IL1RAPL1: variants seen among roughly 807,000 people sequenced by gnomAD.
IL1RAPL1 encodes the protein interleukin 1 receptor accessory protein like 1.
IL1RAPL1 carries 3 observed loss-of-function variants against 48.4 expected under a neutral mutation model. The observed-to-expected ratio is 0.06, with a 90% CI of 0.03 to 0.16. The LOEUF (loss-of-function observed/expected upper bound fraction) is 0.16. Among genes scored for constraint, IL1RAPL1 ranks in the 10% least tolerant of loss-of-function variants. The pLI is 1.00. For missense variants in IL1RAPL1, 349 were observed against 530.6 expected (o/e 0.66, Z 3.36); for synonymous variants, 185 against 187.7 (o/e 0.99, Z 0.12).
intron 6 of IL1RAPL1, among the ~76,000 whole-genome samples, chrX:29,768,019 A>G (rs1362613437): frequency 8.9e-6 from 1 of 111,763 alleles, no homozygotes; most frequent in African/African-American, 3.2e-5. Context: ...TTTTTAAATT[A>G]TGTATTTATT....
At chrX:29,150,321 C>A (rs1929436961) in intron 2 of IL1RAPL1, among the ~76,000 whole-genome samples, 1 of 111,776 alleles carries the variant, frequency 8.9e-6, no homozygotes, top group Admixed American at 9.6e-5. Context: ...TCCTCTTGAG[C>A]TTTGCAACAG....
In IL1RAPL1 at chrX:29,627,699, G is replaced by A. The variant is rs749179591; in HGVS notation, c.704-40731G>A. ...GCCATTCTCAGCCCCATCTAACCCC[G>A]GTGGTATTCAGCAAAGGCATACAAG... On this transcript the variant is annotated intron_variant, in intron 5 of 10. Transcript: ENST00000378993. 1.2e-4 allele frequency among the ~76,000 whole-genome samples: 13 copies of A among 111,278 alleles called. No homozygotes were observed. In the South Asian group the frequency reaches 4.9e-3, roughly 42 times the overall value.
intron 1 of IL1RAPL1, among the ~76,000 whole-genome samples, chrX:28,597,474 G>A (rs889952652): frequency 9.0e-6 from 1 of 111,728 alleles, no homozygotes; most frequent in African/African-American, 3.3e-5. Flanking sequence ...CTTCACGCCT[G>A]TAATCCCAGC....
intron 6 of IL1RAPL1, among the ~76,000 whole-genome samples, chrX:29,895,546 C>T (rs975949865): frequency 1.8e-5 from 2 of 112,219 alleles, no homozygotes; most frequent in African/African-American, 3.2e-5. Flanking sequence ...AGCGAGACTC[C>T]GTCTCAAAGA....
At chrX:29,222,978 G>A (rs189152032) in intron 2 of IL1RAPL1, among the ~76,000 whole-genome samples, 2 of 111,007 alleles carry the variant, frequency 1.8e-5, no homozygotes, top group Admixed American at 9.7e-5. Flanking sequence ...AACTCTGATA[G>A]CATTCTTCAT....
At chrX:29,746,911 A>C (rs1344892012) in intron 6 of IL1RAPL1, among the ~76,000 whole-genome samples, 1 of 112,634 alleles carries the variant, frequency 8.9e-6, no homozygotes, top group African/African-American at 3.2e-5. Context: ...CCCAGCTGAA[A>C]GCTCATTCTT....
At chrX:29,319,621 G>GTCTC (rs201555831) in intron 3 of IL1RAPL1, among the ~76,000 whole-genome samples, 4 of 106,795 alleles carry the variant, frequency 3.7e-5, no homozygotes, top group Non-Finnish European at 7.7e-5. Context: ...TCGAAATGTT[G>GTCTC]TCTCTCATTT....
chrX:29,668,302 T>G (rs1926052866), intron 5 of IL1RAPL1, 128 bp from the exon 6 acceptor site: 2 of 575,795 alleles, frequency 3.5e-6, no homozygotes, highest in Non-Finnish European at 5.9e-6. Context: ...TGTTCATCGT[T>G]ACTTGGTAGA....
chrX:29,417,100 A>G (rs1225145788), intron 5 of IL1RAPL1, among the ~76,000 whole-genome samples: 3 of 111,883 alleles, frequency 2.7e-5, no homozygotes, highest in East Asian at 5.6e-4. Context: ...CTCTTACACT[A>G]TGAAAAGGTC....
At chrX:29,640,664 C>G (rs1925137788) in intron 5 of IL1RAPL1, among the ~76,000 whole-genome samples, 1 of 111,767 alleles carries the variant, frequency 8.9e-6, no homozygotes, top group Non-Finnish European at 1.9e-5. Flanking sequence ...TATCCCACAT[C>G]CCAAGGTATC....
intron 6 of IL1RAPL1, among the ~76,000 whole-genome samples, chrX:29,803,456 T>C (rs1410424792): frequency 2.6e-4 from 24 of 91,351 alleles, no homozygotes; most frequent in Admixed American, 2.5e-3. Context: ...TATATGTGTG[T>C]ATATATGTAT....
chrX:29,609,520 G>A (rs1924023876), intron 5 of IL1RAPL1, among the ~76,000 whole-genome samples: 1 of 111,580 alleles, frequency 9.0e-6, no homozygotes, highest in Non-Finnish European at 1.9e-5. Context: ...CTTGGCTCAA[G>A]TACCATCACA....
At chrX:29,578,988 CTCTT>C (rs1456772477) in intron 5 of IL1RAPL1, among the ~76,000 whole-genome samples, 3 of 111,809 alleles carry the variant, frequency 2.7e-5, no homozygotes, top group South Asian at 3.7e-4. Context: ...ATCAGGGACA[CTCTT>C]TATTTCAGGA....
chrX:28,853,381 A>G (rs1160697315), intron 2 of IL1RAPL1, among the ~76,000 whole-genome samples: 1 of 111,093 alleles, frequency 9.0e-6, no homozygotes, highest in East Asian at 2.8e-4. Context: ...TAAGTGTAGA[A>G]ACATTGTGAG....
chrX:29,531,771 T>A (rs192815191), intron 5 of IL1RAPL1, among the ~76,000 whole-genome samples: 6 of 112,150 alleles, frequency 5.3e-5, no homozygotes, highest in African/African-American at 1.9e-4. Flanking sequence ...TTCTGGTGGT[T>A]GCCAGCAGTC....
chrX:28,953,549 A>T (rs1241362973), intron 2 of IL1RAPL1, among the ~76,000 whole-genome samples: 1 of 111,584 alleles, frequency 9.0e-6, no homozygotes, highest in Non-Finnish European at 1.9e-5. Context: ...CTTTATAAAA[A>T]TACATACATT....
intron 1 of IL1RAPL1, among the ~76,000 whole-genome samples, chrX:28,768,731 C>T (rs770376910): frequency 3.3e-5 from 2 of 60,764 alleles, no homozygotes; most frequent in Non-Finnish European, 6.0e-5. Flanking sequence ...CTCTCTCTGT[C>T]TCTCTCTCTC....
intron 1 of IL1RAPL1, among the ~76,000 whole-genome samples, chrX:28,668,382 C>T (rs1289517116): frequency 8.9e-6 from 1 of 111,881 alleles, no homozygotes; most frequent in Non-Finnish European, 1.9e-5. Context: ...CCTCAGCCTC[C>T]AGAGTAGCTG....
At chrX:29,934,624 T>C (rs1356965275) in intron 8 of IL1RAPL1, among the ~76,000 whole-genome samples, 1 of 111,883 alleles carries the variant, frequency 8.9e-6, no homozygotes, top group Non-Finnish European at 1.9e-5. Flanking sequence ...TACCAATTAA[T>C]AGATTTGCCA....
Sources: allele counts gnomAD v4.1 joint callset (sites outside exome capture counted in the v4.1 genomes callset), GRCh38; gene constraint gnomAD v4.1.1; transcripts MANE v1.5; gene names NCBI Gene and HGNC (gene_info 2026-07-23, HGNC 2026-07-21).